Variants in UPF1 observed in about 807,000 individuals in gnomAD.
UPF1 encodes UPF1 RNA helicase and ATPase.
UPF1 carries 9 observed loss-of-function variants against 129.2 expected under a neutral mutation model. The ratio of observed to expected loss-of-function variants is 0.07; its 90% CI spans 0.04 to 0.12. The LOEUF is 0.12. Ranked by LOEUF, UPF1 falls within the 10% of genes least tolerant of loss-of-function variation. UPF1 has a pLI of 1.00. For missense variants in UPF1, 788 were observed against 1,525.3 expected (o/e 0.52, Z 8.05); for synonymous variants, 649 against 644.9 (o/e 1.01, Z -0.10).
At chr19:18,835,074 G>T (rs2055469387) in intron 1 of UPF1, among the ~76,000 whole-genome samples, 1 of 152,084 alleles carries the variant, frequency 6.6e-6, no homozygotes, top group Admixed American at 6.6e-5. Flanking sequence ...TCACCCCAGA[G>T]ATAAACCCTG....
intron 18 of UPF1, 115 bp from the exon 19 acceptor site, chr19:18,863,323 C>G (rs1193347928): frequency 2.2e-6 from 3 of 1,391,160 alleles, no homozygotes; most frequent in African/African-American, 1.4e-5. Flanking sequence ...CTGCCCGGTC[C>G]ACGCCTCTGT....
At chr19:18,846,619 C>T (rs1458426740) in intron 2 of UPF1, among the ~76,000 whole-genome samples, 3 of 152,076 alleles carry the variant, frequency 2.0e-5, no homozygotes, top group African/African-American at 4.8e-5. Context: ...ATTCTCATCT[C>T]GAGTGGGATC....
chr19:18,837,634 G>A (rs1411371894), intron 1 of UPF1, among the ~76,000 whole-genome samples: 1 of 152,166 alleles, frequency 6.6e-6, no homozygotes, highest in East Asian at 1.9e-4. Context: ...GAGGTCTGTG[G>A]GTAGGTACAG....
intron 15 of UPF1, 42 bp downstream of exon 15, chr19:18,857,575 C>A: frequency 6.5e-7 from 1 of 1,536,462 alleles, no homozygotes; most frequent in South Asian, 1.2e-5. Flanking sequence ...TACAGAGAAG[C>A]GGCATCAAGG....
intron 15 of UPF1, chr19:18,859,410 A>G (rs1345503708): frequency 2.0e-5 from 3 of 152,230 alleles, no homozygotes; most frequent in Non-Finnish European, 2.9e-5. Context: ...CCAGCACCTG[A>G]ACCCAGAACC....
intron 1 of UPF1, among the ~76,000 whole-genome samples, chr19:18,842,161 G>A (rs1418324364): frequency 6.6e-6 from 1 of 152,118 alleles, no homozygotes; most frequent in African/African-American, 2.4e-5. Flanking sequence ...TGTGAAAGAT[G>A]GTCAACTCCT....
Position 18,865,177 on chromosome 19 carries a change from C to T in UPF1, c.2858-112C>T. On this transcript the variant is annotated intron_variant, in intron 20 of 23. Transcript: ENST00000262803. This position sits in a 1 kb window ranked among gnomAD's most constrained non-coding sequence, Gnocchi z 6.1. ...TGCGAATCCGCATCTTCAGCCTGGG[C>T]AGAGCCAGGACAGATGTGCAGCTCC... The T allele has an allele frequency of 7.5e-7, 1 of 1,327,288 alleles. No homozygotes were observed. 82.2% of individuals were successfully genotyped at this position (1,327,288 alleles called of 1,614,324 possible).
At position 18,865,879 on chromosome 19, in the gene UPF1, C is replaced by G; in HGVS notation, c.3237+101C>G. ...CCCAGAGAGCTGGCCTGGCCCATGT[C>G]CACTGTCTGAATTACCTGTCCCTGG... is the stretch of plus-strand genomic sequence containing the variant. On this transcript the variant is annotated intron_variant, in intron 22 of 23. Coordinates refer to ENST00000262803, the MANE Select transcript of UPF1 (RefSeq NM_002911.4). The surrounding 1 kb of genome is among the most constrained non-coding windows in gnomAD (Gnocchi z 6.1). 3 of 1,574,012 alleles carry G rather than the reference C, an allele frequency of 1.9e-6. No individual in the cohort carries two copies. Among genetic ancestry groups the G allele is most frequent in the Non-Finnish European group, 2.6e-6 (3 of 1,158,582 alleles).
rs2055641932 is a variant in UPF1, at chr19:18,850,069, T to C, written c.462-6T>C. 1.2e-6 allele frequency: 2 copies of C among 1,614,016 alleles called. No homozygotes were observed. ...GTGTTAACCGTTTATCATTTCCTGG[T>C]TTCAGCCACATTGTAAATCACCTTG... On this transcript the variant is annotated splice_polypyrimidine_tract_variant and splice_region_variant and intron_variant, in intron 3 of 23. Coordinates refer to ENST00000262803, the MANE Select transcript of UPF1 (RefSeq NM_002911.4). This position sits in a 1 kb window ranked among gnomAD's most constrained non-coding sequence, Gnocchi z 7.1.
At chr19:18,839,547 C>G (rs559856533) in intron 1 of UPF1, among the ~76,000 whole-genome samples, 4 of 152,202 alleles carry the variant, frequency 2.6e-5, no homozygotes, top group Non-Finnish European at 4.4e-5. Flanking sequence ...CAAGGTCACC[C>G]GTTAGGGAGG....
Position 18,860,871 on chromosome 19 carries a change from G to A in UPF1, c.2346G>A (p.Lys782=), listed in dbSNP as rs1303763125. 1 of 1,611,470 alleles carries A rather than the reference G, an allele frequency of 6.2e-7. No homozygotes were observed. The highest frequency in any genetic ancestry group is 1.1e-5 in the South Asian group (1 of 90,664). Residue 782 remains lysine, a synonymous_variant, in exon 17 of 24, where the codon AAG becomes AAA. Transcript: ENST00000262803. ...AGAAGATCACCACGAAGTTGCTGAA[G>A]GCAGGCGCCAAGCCGGACCAGATTG... is the stretch of plus-strand genomic sequence containing the variant. ...NVEKITTKLL[K]AGAKPDQIGI... is the part of the protein sequence containing the mutation.
At chr19:18,861,981 C>T (rs367887416) in intron 17 of UPF1, 29 bp from the exon 18 acceptor site, 2 of 1,612,156 alleles carry the variant, frequency 1.2e-6, no homozygotes, top group African/African-American at 1.3e-5. Context: ...AGCCTGCTGG[C>T]TGATAGTGAC....
rs368543377 is a variant in UPF1, at chr19:18,854,713, C to T, written c.1265+4C>T. 7 of 1,612,844 alleles carry T rather than the reference C, an allele frequency of 4.3e-6. No individual in the cohort carries two copies. The highest frequency in any genetic ancestry group is 3.3e-5 in the South Asian group (3 of 91,016). ...GGAAGTCGACCTCCTTTGACAGGTA[C>T]GTCTTCTCCCATCACTGCCCCCTGT... On this transcript the variant is annotated splice_donor_region_variant and intron_variant, in intron 9 of 23. Transcript: ENST00000262803.
intron 8 of UPF1, among the ~76,000 whole-genome samples, chr19:18,854,063 AG>A (rs372012873): frequency 3.1e-4 from 47 of 152,302 alleles, no homozygotes; most frequent in African/African-American, 1.1e-3. Context: ...GGTCGAGGGA[AG>A]GGTGTTGCCT....
intron 6 of UPF1, 102 bp downstream of exon 6, chr19:18,852,398 A>T (rs1033343158): frequency 3.3e-6 from 5 of 1,524,336 alleles, no homozygotes; most frequent in Non-Finnish European, 4.4e-6. Context: ...GTGGGAGCTG[A>T]TGTGGGCTGC....
At chr19:18,835,338 A>G (rs972657037) in intron 1 of UPF1, among the ~76,000 whole-genome samples, 5 of 149,394 alleles carry the variant, frequency 3.3e-5, no homozygotes, top group African/African-American at 1.2e-4. Context: ...ATGTGTCATC[A>G]TTTCATTCCT....
chr19:18,841,286 T>A (rs746656509), intron 1 of UPF1, among the ~76,000 whole-genome samples: 1 of 152,248 alleles, frequency 6.6e-6, no homozygotes, highest in Non-Finnish European at 1.5e-5. Context: ...AGCAAGTCTT[T>A]TGTGTCCTTT....
chr19:18,852,045 G>A (rs1439651353), intron 5 of UPF1, 90 bp from the exon 6 acceptor site: 8 of 1,451,228 alleles, frequency 5.5e-6, no homozygotes, highest in African/African-American at 1.4e-5. Flanking sequence ...AGCGGCATGT[G>A]TGCTCCATCC....
At chr19:18,835,102 G>A (rs532249211) in intron 1 of UPF1, among the ~76,000 whole-genome samples, 1 of 151,934 alleles carries the variant, frequency 6.6e-6, no homozygotes, top group East Asian at 1.9e-4. Flanking sequence ...TAGCCCATCC[G>A]TCCTACCTCC....
Sources: gnomAD v4.1 joint callset for allele counts (sites outside exome capture counted in the v4.1 genomes callset) on GRCh38, gnomAD v4.1.1 for gene constraint, Gnocchi (gnomAD v3.1) non-coding constraint, MANE v1.5 for transcripts, NCBI Gene and HGNC (gene_info 2026-07-23, HGNC 2026-07-21) for gene names.